RASGRP3: variants seen among roughly 807,000 people sequenced by gnomAD.
RASGRP3 encodes ras guanyl-releasing protein 3.
In RASGRP3, 54 loss-of-function variants were observed where a neutral mutation model predicts 82.7. That is an observed-to-expected ratio of 0.65 (90% CI 0.52 to 0.82). The LOEUF is 0.82. Among genes scored for constraint, RASGRP3 ranks in the 40% least tolerant of loss-of-function variants. RASGRP3 has a pLI of 0.00. For synonymous variants in RASGRP3, 309 were observed against 300.5 expected (o/e 1.03, Z -0.29); for missense variants, 861 against 828.9 (o/e 1.04, Z -0.48).
At chr2:33,488,386 T>G (rs1668573620) in intron 1 of RASGRP3, among the ~76,000 whole-genome samples, 1 of 152,182 alleles carries the variant, frequency 6.6e-6, no homozygotes, top group Non-Finnish European at 1.5e-5. Flanking sequence ...CAACTCTGAA[T>G]AGTAATAATG....
At chr2:33,472,182 C>T (rs1239426976), upstream of RASGRP3, among the ~76,000 whole-genome samples, 2 of 152,124 alleles carry the variant, frequency 1.3e-5, no homozygotes, top group Non-Finnish European at 2.9e-5. Context: ...ACATGCCAGG[C>T]ATTGTATTAG....
intron 1 of RASGRP3, among the ~76,000 whole-genome samples, chr2:33,501,931 T>G (rs1307633195): frequency 6.6e-6 from 1 of 152,046 alleles, no homozygotes. Context: ...AAGAAGACAA[T>G]GAAGAGAGCT....
chr2:33,514,521 A>AAAAAAAAAC (rs1558468731), intron 2 of RASGRP3, among the ~76,000 whole-genome samples: 6 of 148,910 alleles, frequency 4.0e-5, no homozygotes, highest in Admixed American at 2.0e-4. Context: ...AAAAAAAAAA[A>AAAAAAAAAC]AAAAAACCCA....
At chr2:33,487,416 G>A (rs1219718217) in intron 1 of RASGRP3, among the ~76,000 whole-genome samples, 1 of 152,208 alleles carries the variant, frequency 6.6e-6, no homozygotes, top group Non-Finnish European at 1.5e-5. Context: ...TGTTTAAAAG[G>A]TAAAGTTGAT....
At position 33,558,325 on chromosome 2, in the gene RASGRP3, C is replaced by G. The variant is rs192400130; in HGVS notation, c.1694C>G (p.Ser565Trp). 3 of 1,613,460 alleles carry G rather than the reference C, an allele frequency of 1.9e-6. No individual in the cohort carries two copies. The Admixed American group carries it at 5.0e-5, about 27-fold the overall frequency. ...SGHGSLPGSP[S>W]LPPAQDEVFE... ...CATGGGTCACTGCCTGGAAGCCCCT[C>G]GCTGCCCCCAGGTAATGCCCTCTGC... The change falls in exon 16 of 18, where the codon TCG becomes TGG. Residue 565 changes from serine to tryptophan, a missense_variant. Physicochemically the swap from Ser to Trp is radical, Grantham distance 177 (BLOSUM62 -3). Coordinates refer to ENST00000403687, the MANE Select transcript of RASGRP3 (RefSeq NM_001139488.2).
chr2:33,563,436 A>G lies in RASGRP3; in HGVS notation c.*699A>G, dbSNP rs1404505207. 1 of 152,220 alleles carries G rather than the reference A, an allele frequency of 6.6e-6. No individual in the cohort carries two copies. Among genetic ancestry groups the G allele is most frequent in the Non-Finnish European group, 1.5e-5 (1 of 68,044 alleles). 9.4% of individuals were successfully genotyped at this position (152,220 alleles called of 1,614,324 possible). A position where few individuals can be genotyped will look rare whatever the true frequency, so the allele number is the denominator to read the frequency against. On this transcript the variant is annotated 3_prime_UTR_variant, in exon 18 of 18. Transcript: ENST00000403687. ...CAAGTCTTACCAATTCTGCGTCACTAGGAAGCTATAGCATGGTCGTGAAAG... is the reference window on the plus strand; with the variant it reads ...CAAGTCTTACCAATTCTGCGTCACTGGGAAGCTATAGCATGGTCGTGAAAG...
intron 15 of RASGRP3, 61 bp downstream of exon 15, chr2:33,555,628 TTGTC>T: frequency 7.1e-7 from 1 of 1,403,010 alleles, no homozygotes. Flanking sequence ...AGAATCAAAT[TTGTC>T]TGGTTAAACT....
At position 33,549,601 on chromosome 2, in the gene RASGRP3, C is replaced by A. The variant is rs1039479453; in HGVS notation, c.1395-3C>A. 4.3e-6 allele frequency: 7 copies of A among 1,610,558 alleles called. No individual in the cohort carries two copies. The highest frequency in any genetic ancestry group is 1.3e-5 in the African/African-American group (1 of 74,998). ...TCCCTCCCTTCTTTGATTCTCTTAA[C>A]AGGGATGGCCTAATTAGTAAAGATG... On this transcript the variant is annotated splice_region_variant and splice_polypyrimidine_tract_variant and intron_variant, in intron 13 of 17. Coordinates refer to ENST00000403687, the MANE Select transcript of RASGRP3 (RefSeq NM_001139488.2).
chr2:33,530,617 C>T (rs2151045645), intron 10 of RASGRP3, among the ~76,000 whole-genome samples: 1 of 151,326 alleles, frequency 6.6e-6, no homozygotes, highest in Non-Finnish European at 1.5e-5. Context: ...TTTGCTCTCT[C>T]ATGTGGGCAC....
chr2:33,467,601 G>A (rs187042129), intron 2 of RASGRP3, among the ~76,000 whole-genome samples: 7 of 152,202 alleles, frequency 4.6e-5, no homozygotes, highest in Non-Finnish European at 1.0e-4. Context: ...GATGAGATGT[G>A]GTATGTGTTA....
intron 2 of RASGRP3, among the ~76,000 whole-genome samples, chr2:33,448,764 T>C (rs548349259): frequency 6.6e-6 from 1 of 152,298 alleles, no homozygotes; most frequent in East Asian, 1.9e-4. Context: ...ACATTGTGAA[T>C]GTAATTAATA....
intron 1 of RASGRP3, among the ~76,000 whole-genome samples, chr2:33,508,087 T>G (rs536023048): frequency 6.6e-6 from 1 of 152,318 alleles, no homozygotes; most frequent in South Asian, 2.1e-4. Flanking sequence ...ATTCCCAGAT[T>G]TCTAGCTAGA....
intron 2 of RASGRP3, among the ~76,000 whole-genome samples, chr2:33,462,470 C>T (rs560650182): frequency 6.6e-6 from 1 of 151,736 alleles, no homozygotes; most frequent in African/African-American, 2.4e-5. Context: ...CTACACCTCC[C>T]GGGTTCAAGA....
chr2:33,441,572 C>T lies in RASGRP3; in HGVS notation c.-385+4981C>T, dbSNP rs74728541. Among the ~76,000 whole-genome samples the T allele has an allele frequency of 8.4e-3, 1,274 of 152,340 alleles. 4 individuals are homozygous for T. The highest frequency in any genetic ancestry group is 0.013 in the Non-Finnish European group (861 of 68,032). ...GAAGAAGACTCCATGGAATTACATA[C>T]ACCCTTACAGCTTGTTGGCCTGAAA... On this transcript the variant is annotated intron_variant, in intron 1 of 18. Transcript: ENST00000402538.
intron 1 of RASGRP3, among the ~76,000 whole-genome samples, chr2:33,498,484 G>A (rs974656969): frequency 6.6e-6 from 1 of 152,136 alleles, no homozygotes; most frequent in Non-Finnish European, 1.5e-5. Flanking sequence ...ACTGTGTTGG[G>A]TTATGTCACA....
chr2:33,484,582 G>C (rs916027476), intron 1 of RASGRP3, among the ~76,000 whole-genome samples: 1 of 151,922 alleles, frequency 6.6e-6, no homozygotes, highest in African/African-American at 2.4e-5. Flanking sequence ...GAATGGTGGT[G>C]CTGGAGATTT....
chr2:33,517,342 C>T lies in RASGRP3; in HGVS notation c.173+698C>T, dbSNP rs781726122. Among the ~76,000 whole-genome samples, 5 of 152,156 alleles carry T rather than the reference C, an allele frequency of 3.3e-5. No individual in the cohort carries two copies. The East Asian group carries it at 9.6e-4, about 29-fold the overall frequency. Reference sequence around the variant, plus strand: ...AGGTTCTATTCCCTGAGAGCCAATGCTTTTATTATACAATCTCTAATGTCA... The same window carrying T: ...AGGTTCTATTCCCTGAGAGCCAATGTTTTTATTATACAATCTCTAATGTCA... On this transcript the variant is annotated intron_variant, in intron 4 of 17. Transcript: ENST00000403687.
intron 2 of RASGRP3, among the ~76,000 whole-genome samples, chr2:33,514,714 C>A (rs372189727): frequency 1.4e-4 from 21 of 150,896 alleles, no homozygotes; most frequent in Admixed American, 3.3e-4. Flanking sequence ...CAAAAACAAT[C>A]AAAAAAAAGG....
At chr2:33,493,645 C>T (rs972116437) in intron 1 of RASGRP3, among the ~76,000 whole-genome samples, 2 of 151,900 alleles carry the variant, frequency 1.3e-5, no homozygotes, top group Non-Finnish European at 2.9e-5. Flanking sequence ...GTCACCTTCA[C>T]CCATCTCACA....
Sources: allele counts gnomAD v4.1 joint callset (sites outside exome capture counted in the v4.1 genomes callset), GRCh38; gene constraint gnomAD v4.1.1; transcripts MANE v1.5; gene names NCBI Gene and HGNC (gene_info 2026-07-23, HGNC 2026-07-21).